Variants in UGT2B17 observed in about 807,000 individuals in gnomAD.
The protein encoded by UGT2B17 is UDP glucuronosyltransferase family 2 member B17.
UGT2B17 carries 21 observed loss-of-function variants against 48.2 expected under a neutral mutation model. The observed-to-expected ratio is 0.44, with a 90% CI of 0.31 to 0.63. The LOEUF (loss-of-function observed/expected upper bound fraction) is 0.63, where lower values mean the gene tolerates loss of function less well. Among genes scored for constraint, UGT2B17 ranks in the 20% least tolerant of loss-of-function variants. UGT2B17 has a pLI of 0.08. For missense variants in UGT2B17, 402 were observed against 696.1 expected, an observed-to-expected ratio of 0.58 and a Z score of 4.75; for synonymous variants, 146 against 238.4, an observed-to-expected ratio of 0.61 and a Z score of 3.57.
Position 68,555,403 on chromosome 4 carries a change from G to A in UGT2B17, c.1006-3492C>T, listed in dbSNP as rs1390149333. Among the ~76,000 whole-genome samples, 3 of 126,246 alleles carry A rather than the reference G, an allele frequency of 2.4e-5. 1 individual carries two copies. Among genetic ancestry groups the A allele is most frequent in the African/African-American group, 8.1e-5 (3 of 37,176 alleles). 82.8% of individuals were successfully genotyped at this position (126,246 alleles called of 152,430 possible). ...GTGGCCTTAAGCAATCTAGTCCACAGGCATTAAGCTTTGTTTTGGGAAAAG... is the reference window on the plus strand; with the variant it reads ...GTGGCCTTAAGCAATCTAGTCCACAAGCATTAAGCTTTGTTTTGGGAAAAG... On this transcript the variant is annotated intron_variant, in intron 4 of 6. Coordinates refer to ENST00000317746, the MANE Select transcript of UGT2B17 (RefSeq NM_001077.4).
intron 3 of UGT2B17, among the ~76,000 whole-genome samples, chr4:68,564,623 C>T (rs1731166171): frequency 1.6e-5 from 2 of 124,982 alleles, no homozygotes; most frequent in African/African-American, 2.7e-5. Context: ...TTCCTGTAAA[C>T]TAAATTTGGA....
At position 68,566,211 on chromosome 4, in the gene UGT2B17, T is replaced by A. The variant is rs1433706013; in HGVS notation, c.725-491A>T. Among the ~76,000 whole-genome samples, 4 of 121,970 alleles carry A rather than the reference T, an allele frequency of 3.3e-5. 1 individual carries two copies. The highest frequency in any genetic ancestry group is 1.1e-4 in the African/African-American group (4 of 36,058). The allele number at this position is 121,970 out of a possible 152,430, so 80.0% of individuals were successfully genotyped here. A position where few individuals can be genotyped will look rare whatever the true frequency, so the allele number is the denominator to read the frequency against. On this transcript the variant is annotated intron_variant, in intron 2 of 6. Transcript: ENST00000317746. ...ATGTAAATACATTATATTAAATACATTTATATAGTCATCATTTAATTTTTA... is the reference window on the plus strand; with the variant it reads ...ATGTAAATACATTATATTAAATACAATTATATAGTCATCATTTAATTTTTA...
rs192792938 is a variant in UGT2B17 at position 68,549,675 on chromosome 4, A to G, written c.1313+1002T>C. Among the ~76,000 whole-genome samples, 16 of 125,698 alleles carry G rather than the reference A, an allele frequency of 1.3e-4. 3 individuals carry two copies. Among genetic ancestry groups the G allele is most frequent in the African/African-American group, 4.1e-4 (15 of 36,914 alleles). The allele number at this position is 125,698 out of a possible 152,430, so 82.5% of individuals were successfully genotyped here. On this transcript the variant is annotated intron_variant, in intron 6 of 6. Coordinates refer to ENST00000317746, the MANE Select transcript of UGT2B17 (RefSeq NM_001077.4). Reference sequence around the variant, plus strand: ...CAAGTGTTGGGAAGAGTGTGAAGAAATTAGAGCCCTCCTATCCAGCTGGTG... The same window carrying G: ...CAAGTGTTGGGAAGAGTGTGAAGAAGTTAGAGCCCTCCTATCCAGCTGGTG...
At position 68,545,725 on chromosome 4, in the gene UGT2B17, A is replaced by G. The variant is rs1407098122; in HGVS notation, c.1313+4952T>C. 5.6e-5 allele frequency among the ~76,000 whole-genome samples: 7 copies of G among 125,948 alleles called. 2 individuals are homozygous for G. Among genetic ancestry groups the G allele is most frequent in the Non-Finnish European group, 1.0e-4 (6 of 59,530 alleles). 82.6% of individuals were successfully genotyped at this position (125,948 alleles called of 152,430 possible). A position where few individuals can be genotyped will look rare whatever the true frequency, so the allele number is the denominator to read the frequency against. On this transcript the variant is annotated intron_variant, in intron 6 of 6. Coordinates refer to ENST00000317746, the MANE Select transcript of UGT2B17 (RefSeq NM_001077.4). The stretch of plus-strand genomic sequence containing the variant: ...AGAGACGAATCAAATAGATGGAATA[A>G]AAATGATTAAGGGGGTATCACCACC...
chr4:68,554,915 C>T lies in UGT2B17; in HGVS notation c.1006-3004G>A, dbSNP rs781152787. ...TGTAAGATGTACTTCTGTTGGCATG[C>T]TTACTACATCTATGTATTTATGTGT... is the stretch of plus-strand genomic sequence containing the variant. On this transcript the variant is annotated intron_variant, in intron 4 of 6. Coordinates refer to ENST00000317746, the MANE Select transcript of UGT2B17 (RefSeq NM_001077.4). Among the ~76,000 whole-genome samples, 3 of 124,930 alleles carry T rather than the reference C, an allele frequency of 2.4e-5. 1 individual carries two copies. The highest frequency in any genetic ancestry group is 8.3e-5 in the Admixed American group (1 of 12,062). The allele number at this position is 124,930 out of a possible 152,430, so 82.0% of individuals were successfully genotyped here.
At chr4:68,573,928 G>A (rs555742693) in intron 1 of UGT2B17, among the ~76,000 whole-genome samples, 4 of 126,746 alleles carry the variant, frequency 3.2e-5, no homozygotes, top group African/African-American at 8.1e-5. Flanking sequence ...TCAGGATATA[G>A]CAGAGAGAGC....
chr4:68,553,612 A>G (rs1730953149), intron 4 of UGT2B17, among the ~76,000 whole-genome samples: 1 of 125,512 alleles, frequency 8.0e-6, no homozygotes, highest in Admixed American at 8.2e-5. Context: ...GTACTGTGAG[A>G]GGATTTTACC....
Position 68,538,246 on chromosome 4 carries a change from T to A in UGT2B17, c.1314-342A>T, listed in dbSNP as rs113544627. Among the ~76,000 whole-genome samples the A allele has an allele frequency of 9.2e-4, 7 of 7,598 alleles. 1 individual carries two copies. Among genetic ancestry groups the A allele is most frequent in the African/African-American group, 1.0e-3 (6 of 5,874 alleles). 5.0% of individuals were successfully genotyped at this position (7,598 alleles called of 152,430 possible). ...GATCATTTTGATATTTTTAGTTTTT[T>A]TTTTTTTTGAGACAGGCTTTTGCTC... On this transcript the variant is annotated intron_variant, in intron 6 of 6. Transcript: ENST00000317746.
Position 68,562,724 on chromosome 4 carries a change from C to G in UGT2B17, c.874-2056G>C, listed in dbSNP as rs1218557926. On this transcript the variant is annotated intron_variant, in intron 3 of 6. Transcript: ENST00000317746. ...GAAAAAAATCATTTTTCCCATATCT[C>G]TATCTCAATTTAAAATGTGTACCAT... Among the ~76,000 whole-genome samples the G allele has an allele frequency of 7.1e-5, 9 of 126,444 alleles. 1 individual carries two copies. Among genetic ancestry groups the G allele is most frequent in the African/African-American group, 2.4e-4 (9 of 37,090 alleles). The allele number at this position is 126,444 out of a possible 152,430, so 83.0% of individuals were successfully genotyped here.
At chr4:68,558,848 G>C (rs1380334680) in intron 4 of UGT2B17, among the ~76,000 whole-genome samples, 1 of 125,578 alleles carries the variant, frequency 8.0e-6, no homozygotes, top group Non-Finnish European at 1.7e-5. Flanking sequence ...TCTGCTCACT[G>C]AGATAAATGC....
Position 68,538,262 on chromosome 4 carries a change from G to T in UGT2B17, c.1314-358C>A, listed in dbSNP as rs1403443779. 2.4e-5 allele frequency among the ~76,000 whole-genome samples: 3 copies of T among 123,900 alleles called. 1 individual carries two copies. The highest frequency in any genetic ancestry group is 8.3e-5 in the Admixed American group (1 of 12,006). The allele number at this position is 123,900 out of a possible 152,430, so 81.3% of individuals were successfully genotyped here. ...TTAGTTTTTTTTTTTTTTGAGACAG[G>T]CTTTTGCTCCATTACACAGGCTGAG... On this transcript the variant is annotated intron_variant, in intron 6 of 6. Coordinates refer to ENST00000317746, the MANE Select transcript of UGT2B17 (RefSeq NM_001077.4).
At chr4:68,537,944 T>C (rs1578161762) in intron 6 of UGT2B17, 40 bp from the exon 7 acceptor site, 2 of 1,264,172 alleles carry the variant, frequency 1.6e-6, no homozygotes, top group South Asian at 4.6e-5. Context: ...TAAAAGTAAA[T>C]TTATTGCTTA....
In UGT2B17 at chr4:68,549,689, A is replaced by C. The variant is rs1375394934; in HGVS notation, c.1313+988T>G. On this transcript the variant is annotated intron_variant, in intron 6 of 6. Coordinates refer to ENST00000317746, the MANE Select transcript of UGT2B17 (RefSeq NM_001077.4). ...AGTGTGAAGAAATTAGAGCCCTCCT[A>C]TCCAGCTGGTGGTAATGAAAAATGA... is the stretch of plus-strand genomic sequence containing the variant. 4.8e-5 allele frequency among the ~76,000 whole-genome samples: 6 copies of C among 125,504 alleles called. 1 individual carries two copies. Among genetic ancestry groups the C allele is most frequent in the African/African-American group, 1.6e-4 (6 of 36,768 alleles). 82.3% of individuals were successfully genotyped at this position (125,504 alleles called of 152,430 possible).
chr4:68,543,293 T>G lies in UGT2B17; in HGVS notation c.1314-5389A>C, dbSNP rs1233176775. ...TGCTGTTCACTAATATCCACTGTTC[T>G]GCAGTGTCCGCTGCTGATACCCAGG... is the stretch of plus-strand genomic sequence containing the variant. On this transcript the variant is annotated intron_variant, in intron 6 of 6. Coordinates refer to ENST00000317746, the MANE Select transcript of UGT2B17 (RefSeq NM_001077.4). Among the ~76,000 whole-genome samples, 2 of 125,628 alleles carry G rather than the reference T, an allele frequency of 1.6e-5. 1 individual carries two copies. The highest frequency in any genetic ancestry group is 3.4e-5 in the Non-Finnish European group (2 of 59,436). The allele number at this position is 125,628 out of a possible 152,430, so 82.4% of individuals were successfully genotyped here. A position where few individuals can be genotyped will look rare whatever the true frequency, so the allele number is the denominator to read the frequency against.
intron 2 of UGT2B17, 120 bp from the exon 3 acceptor site, chr4:68,565,840 A>T: frequency 1.3e-6 from 1 of 746,766 alleles, no homozygotes; most frequent in Non-Finnish European, 1.7e-6. Flanking sequence ...AATATATAAA[A>T]TGTCTGCACA....
At chr4:68,543,624 C>T (rs1248532103) in intron 6 of UGT2B17, among the ~76,000 whole-genome samples, 1 of 124,654 alleles carries the variant, frequency 8.0e-6, no homozygotes, top group African/African-American at 2.7e-5. Context: ...TTCAGACGAT[C>T]AAACTACTCC....
At chr4:68,545,566 A>G (rs1338503270) in intron 6 of UGT2B17, among the ~76,000 whole-genome samples, 1 of 126,086 alleles carries the variant, frequency 7.9e-6, no homozygotes, top group Non-Finnish European at 1.7e-5. Context: ...GCAAGAAATA[A>G]CTAAAATCAG....
At chr4:68,541,996 G>T (rs1387997977) in intron 6 of UGT2B17, among the ~76,000 whole-genome samples, 1 of 125,436 alleles carries the variant, frequency 8.0e-6, no homozygotes, top group African/African-American at 2.7e-5. Context: ...CTGTTCCATT[G>T]GTCTATATGT....
chr4:68,541,105 C>T (rs1730647298), intron 6 of UGT2B17, among the ~76,000 whole-genome samples: 1 of 126,004 alleles, frequency 7.9e-6, no homozygotes, highest in Admixed American at 8.2e-5. Flanking sequence ...CTGCAATAGA[C>T]ATACATGTGC....
Sources: allele counts gnomAD v4.1 joint callset (sites outside exome capture counted in the v4.1 genomes callset), GRCh38; gene constraint gnomAD v4.1.1; transcripts MANE v1.5; gene names NCBI Gene and HGNC (gene_info 2026-07-23, HGNC 2026-07-21).